Variants in USP25 observed in about 807,000 individuals in gnomAD.
The protein encoded by USP25 is ubiquitin specific peptidase 25.
A neutral mutation model predicts 158.5 loss-of-function variants in USP25; 85 were observed. The observed-to-expected ratio is 0.54, with a 90% confidence interval of 0.45 to 0.64. The LOEUF is 0.64. Among genes scored for constraint, USP25 ranks in the 30% least tolerant of loss-of-function variants. The pLI is 0.00. For synonymous variants in USP25, 464 were observed against 460.4 expected (o/e 1.01, Z -0.10); for missense variants, 1,242 against 1,327.3 (o/e 0.94, Z 1.00).
At chr21:15,759,336 G>A (rs1352700697) in intron 1 of USP25, among the ~76,000 whole-genome samples, 6 of 152,156 alleles carry the variant, frequency 3.9e-5, no homozygotes, top group Non-Finnish European at 8.8e-5. Flanking sequence ...AATTTAGAAA[G>A]TTTATTTTGC....
intron 20 of USP25, among the ~76,000 whole-genome samples, 152 bp downstream of exon 20, chr21:15,850,024 T>C (rs1229474822): frequency 6.6e-6 from 1 of 152,176 alleles, no homozygotes; most frequent in Non-Finnish European, 1.5e-5. Flanking sequence ...TTTTATTTTA[T>C]GTATTAATTA....
rs949034059 is a variant in USP25, at chr21:15,789,909, G to T, written c.393-1593G>T. On this transcript the variant is annotated intron_variant, in intron 4 of 25. Coordinates refer to ENST00000400183, the MANE Select transcript of USP25 (RefSeq NM_001283041.3). ...ATTACAGTTACTTTTTATATACTGT[G>T]CATTAACCTTTCTTTTTTGAGCATA... Among the ~76,000 whole-genome samples the T allele has an allele frequency of 2.0e-5, 3 of 151,956 alleles. 1 individual carries two copies. The highest frequency in any genetic ancestry group is 6.6e-5 in the Admixed American group (1 of 15,232).
chr21:15,870,728 A>G (rs2039851309), intron 23 of USP25, among the ~76,000 whole-genome samples: 1 of 152,150 alleles, frequency 6.6e-6, no homozygotes, highest in African/African-American at 2.4e-5. Context: ...TTCCCTAGTG[A>G]TTGTTTTTTG....
intron 1 of USP25, among the ~76,000 whole-genome samples, chr21:15,742,887 A>G (rs566845809): frequency 1.9e-4 from 29 of 152,316 alleles, no homozygotes; most frequent in African/African-American, 6.3e-4. Flanking sequence ...TGCTCAGCCC[A>G]TGGCGGGACT....
chr21:15,786,411 G>A (rs2035276502), intron 4 of USP25, among the ~76,000 whole-genome samples: 1 of 152,068 alleles, frequency 6.6e-6, no homozygotes, highest in South Asian at 2.1e-4. Flanking sequence ...CGATTCAACG[G>A]CATATTAAAA....
intron 18 of USP25, among the ~76,000 whole-genome samples, chr21:15,844,386 T>C (rs2038481702): frequency 6.6e-6 from 1 of 152,186 alleles, no homozygotes; most frequent in African/African-American, 2.4e-5. Flanking sequence ...GCCAAATTTC[T>C]CCAGATAGAC....
At chr21:15,765,302 C>A (rs1322978680) in intron 2 of USP25, among the ~76,000 whole-genome samples, 1 of 152,222 alleles carries the variant, frequency 6.6e-6, no homozygotes, top group Non-Finnish European at 1.5e-5. Flanking sequence ...AGTCTCTTCT[C>A]ATTTTGCTGT....
Position 15,774,831 on chromosome 21 carries a change from A to G in USP25, c.269-3073A>G, listed in dbSNP as rs557052167. 4.6e-5 allele frequency among the ~76,000 whole-genome samples: 7 copies of G among 152,316 alleles called. No homozygotes were observed. The South Asian group carries it at 1.5e-3, about 32-fold the overall frequency. On this transcript the variant is annotated intron_variant, in intron 3 of 25. Transcript: ENST00000400183. Reference sequence around the variant, plus strand: ...TGTGACTAATACAATGAATTATGCAACTTGGTGCTGCTGCCTTGATTTGTG... The same window carrying G: ...TGTGACTAATACAATGAATTATGCAGCTTGGTGCTGCTGCCTTGATTTGTG...
intron 5 of USP25, among the ~76,000 whole-genome samples, chr21:15,799,205 C>T (rs753461396): frequency 7.3e-5 from 11 of 151,244 alleles, no homozygotes; most frequent in Non-Finnish European, 1.3e-4. Flanking sequence ...GGGCATCCTG[C>T]ATATGCTCCA....
At chr21:15,832,317 T>C (rs2037843043) in intron 16 of USP25, among the ~76,000 whole-genome samples, 1 of 152,204 alleles carries the variant, frequency 6.6e-6, no homozygotes, top group South Asian at 2.1e-4. Context: ...TCTGAATCTT[T>C]TTAATGCTGA....
chr21:15,816,414 T>C lies in USP25; in HGVS notation c.932-2284T>C. ...ATATTGAATTCTTACCAGTTGTTAA[T>C]GCTGATGACTCTTAACCTCTTCTTC... On this transcript the variant is annotated intron_variant, in intron 9 of 25. Transcript: ENST00000400183. This position sits in a 1 kb window ranked among gnomAD's most constrained non-coding sequence, Gnocchi z 4.0. Among the ~76,000 whole-genome samples the C allele has an allele frequency of 6.6e-6, 1 of 152,234 alleles. No homozygotes were observed. Among genetic ancestry groups the C allele is most frequent in the East Asian group, 1.9e-4 (1 of 5,182 alleles).
intron 5 of USP25, among the ~76,000 whole-genome samples, chr21:15,795,247 AG>A (rs1188634715): frequency 6.6e-6 from 1 of 151,592 alleles, no homozygotes; most frequent in Non-Finnish European, 1.5e-5. Flanking sequence ...AATAGTAGGT[AG>A]TCAGTATTTT....
chr21:15,866,739 G>A (rs2039675434), intron 22 of USP25, among the ~76,000 whole-genome samples: 1 of 152,042 alleles, frequency 6.6e-6, no homozygotes, highest in Non-Finnish European at 1.5e-5. Context: ...CCAGGCATTT[G>A]TCTAAGCCCT....
chr21:15,804,910 C>T (rs1365043782), intron 6 of USP25, among the ~76,000 whole-genome samples: 1 of 152,084 alleles, frequency 6.6e-6, no homozygotes, highest in Non-Finnish European at 1.5e-5. Flanking sequence ...TGAGCCTATC[C>T]TAGGTCTTCT....
At chr21:15,776,582 T>C (rs953134794) in intron 3 of USP25, among the ~76,000 whole-genome samples, 12 of 151,992 alleles carry the variant, frequency 7.9e-5, no homozygotes, top group Non-Finnish European at 1.5e-4. Flanking sequence ...TGTTTGTTTT[T>C]TTTTTCCTCT....
intron 1 of USP25, among the ~76,000 whole-genome samples, chr21:15,757,304 C>CT (rs1236168898): frequency 4.6e-5 from 7 of 152,212 alleles, no homozygotes; most frequent in Middle Eastern, 3.4e-3. Flanking sequence ...AATTCTTTCA[C>CT]TTTTTTTGTT....
intron 17 of USP25, among the ~76,000 whole-genome samples, chr21:15,838,310 A>G (rs919098906): frequency 2.0e-5 from 3 of 152,048 alleles, no homozygotes; most frequent in Non-Finnish European, 4.4e-5. Flanking sequence ...TTTTCTGTTA[A>G]TAAGTTCATT....
chr21:15,814,018 T>C (rs2036806401), intron 9 of USP25, among the ~76,000 whole-genome samples: 1 of 151,466 alleles, frequency 6.6e-6, no homozygotes, highest in African/African-American at 2.4e-5. Context: ...GGCTGGTCTT[T>C]CTCGTGCTAT....
intron 1 of USP25, 74 bp downstream of exon 1, chr21:15,730,512 G>T (rs2030698364): frequency 2.3e-6 from 3 of 1,278,124 alleles, no homozygotes; most frequent in African/African-American, 1.6e-5. Context: ...GCGGCCGGGC[G>T]CCCCGGCCTC....
Sources: gnomAD v4.1 joint callset for allele counts (sites outside exome capture counted in the v4.1 genomes callset) on GRCh38, gnomAD v4.1.1 for gene constraint, Gnocchi (gnomAD v3.1) non-coding constraint, MANE v1.5 for transcripts, NCBI Gene and HGNC (gene_info 2026-07-23, HGNC 2026-07-21) for gene names.